TMCO5A: variants seen among roughly 807,000 people sequenced by gnomAD.
The protein encoded by TMCO5A is transmembrane and coiled-coil domains 5A.
Under a neutral mutation model 42.3 loss-of-function variants are expected in TMCO5A, and 34 were observed. That is an observed-to-expected ratio of 0.80 (90% CI 0.61 to 1.07). The LOEUF (loss-of-function observed/expected upper bound fraction) is 1.07, where lower values mean the gene tolerates loss of function less well. TMCO5A is among the 50% of genes least tolerant of loss of function. The pLI is 0.00. For missense variants in TMCO5A, 357 were observed against 327.9 expected (o/e 1.09, Z -0.69); for synonymous variants, 131 against 115.6 (o/e 1.13, Z -0.86).
At chr15:38,035,029 G>A in the TMCO5A span, among the ~76,000 whole-genome samples, 1 of 152,166 alleles carries the variant, frequency 6.6e-6, no homozygotes, top group Admixed American at 6.5e-5. Flanking sequence ...CACATCCCAA[G>A]GTGTGAGAGT....
chr15:38,029,713 G>A, the TMCO5A span, among the ~76,000 whole-genome samples: 232 of 152,282 alleles, frequency 1.5e-3, 1 homozygote, highest in African/African-American at 5.2e-3. Context: ...GTTTCCCAAA[G>A]TACTGGGATT....
At chr15:38,012,169 A>G in the TMCO5A span, among the ~76,000 whole-genome samples, 1 of 152,024 alleles carries the variant, frequency 6.6e-6, no homozygotes, top group Non-Finnish European at 1.5e-5. Context: ...CTATGTGGTG[A>G]GAGGGTTTTC....
the TMCO5A span, among the ~76,000 whole-genome samples, chr15:38,030,073 A>G: frequency 6.6e-6 from 1 of 152,212 alleles, no homozygotes; most frequent in Admixed American, 6.5e-5. Context: ...CCTGTTCTCC[A>G]GCCTCCATGG....
intron 11 of TMCO5A, among the ~76,000 whole-genome samples, chr15:37,958,495 A>G (rs1327972825): frequency 6.6e-6 from 1 of 152,176 alleles, no homozygotes; most frequent in Non-Finnish European, 1.5e-5. Flanking sequence ...AAAAAAGCTA[A>G]TCATCACTGG....
chr15:38,033,016 C>A, the TMCO5A span, among the ~76,000 whole-genome samples: 2 of 150,894 alleles, frequency 1.3e-5, no homozygotes, highest in Admixed American at 6.6e-5. Flanking sequence ...CAAGCTCCAC[C>A]TCCCGGGTTC....
the TMCO5A span, among the ~76,000 whole-genome samples, chr15:38,006,970 T>TA: frequency 1.6e-3 from 248 of 150,916 alleles, 1 homozygote; most frequent in Non-Finnish European, 2.9e-3. Flanking sequence ...GACAATGGAT[T>TA]AAAAAAAAAT....
At chr15:37,977,162 T>C in the TMCO5A span, among the ~76,000 whole-genome samples, 1 of 152,226 alleles carries the variant, frequency 6.6e-6, no homozygotes, top group African/African-American at 2.4e-5. Flanking sequence ...TTCAACTTTC[T>C]CCTGAATATT....
chr15:38,009,037 A>C, the TMCO5A span, among the ~76,000 whole-genome samples: 1 of 152,238 alleles, frequency 6.6e-6, no homozygotes, highest in African/African-American at 2.4e-5. Context: ...AATCTAAACA[A>C]GACTGAAGTT....
chr15:38,007,176 C>A, the TMCO5A span, among the ~76,000 whole-genome samples: 1 of 152,174 alleles, frequency 6.6e-6, no homozygotes, highest in Non-Finnish European at 1.5e-5. Context: ...TTTACTGACC[C>A]TTGGGCTAAA....
chr15:37,944,596 C>G (rs1380272692), intron 10 of TMCO5A, among the ~76,000 whole-genome samples: 3 of 152,012 alleles, frequency 2.0e-5, no homozygotes, highest in African/African-American at 7.2e-5. Context: ...CTCTTTTCCA[C>G]AGCTCTAATT....
the TMCO5A span, among the ~76,000 whole-genome samples, chr15:37,992,870 A>G: frequency 6.6e-6 from 1 of 152,164 alleles, no homozygotes; most frequent in Admixed American, 6.5e-5. Context: ...GGGAAGAGGG[A>G]GAGAAGCAGA....
chr15:37,946,187 G>A (rs1470051868), intron 10 of TMCO5A, among the ~76,000 whole-genome samples: 1 of 152,046 alleles, frequency 6.6e-6, no homozygotes, highest in Non-Finnish European at 1.5e-5. Context: ...TAGGTGAGCA[G>A]TGTTATTTCT....
At chr15:37,986,380 G>GGTGTGTGTGTGTGTGT in the TMCO5A span, among the ~76,000 whole-genome samples, 41 of 139,292 alleles carry the variant, frequency 2.9e-4, no homozygotes, top group African/African-American at 8.7e-4. Flanking sequence ...GGTAAGGGAT[G>GGTGTGTGTGTGTGTGT]GTGTGTGTGT....
intron 11 of TMCO5A, among the ~76,000 whole-genome samples, chr15:37,962,723 T>A (rs1595609263): frequency 6.6e-6 from 1 of 152,162 alleles, no homozygotes; most frequent in African/African-American, 2.4e-5. Flanking sequence ...TCACTGCTTG[T>A]TATTGGTCTG....
the TMCO5A span, among the ~76,000 whole-genome samples, chr15:38,007,881 T>G: frequency 5.6e-3 from 274 of 48,896 alleles, no homozygotes; most frequent in African/African-American, 0.018. Context: ...ACTTTTTTTT[T>G]TTTTTTTTTT....
intron 11 of TMCO5A, chr15:37,966,545 C>T (rs1056230866): frequency 1.4e-6 from 1 of 702,380 alleles, no homozygotes; most frequent in Non-Finnish European, 2.6e-6. Context: ...CGTGAATAGA[C>T]TTGGGGCTTT....
chr15:38,034,828 C>T, the TMCO5A span, among the ~76,000 whole-genome samples: 4 of 152,108 alleles, frequency 2.6e-5, no homozygotes, highest in Non-Finnish European at 5.9e-5. Context: ...TTAAAGTGAC[C>T]CCATGTGGCT....
At chr15:37,953,462 C>A (rs1284676297), downstream of TMCO5A, among the ~76,000 whole-genome samples, 1 of 152,130 alleles carries the variant, frequency 6.6e-6, no homozygotes, top group East Asian at 1.9e-4. Flanking sequence ...TTGCTTAAAA[C>A]CATCAAGGTG....
chr15:37,999,136 C>A, the TMCO5A span, among the ~76,000 whole-genome samples: 1 of 152,178 alleles, frequency 6.6e-6, no homozygotes, highest in Non-Finnish European at 1.5e-5. Context: ...GACCTCCCGA[C>A]CTCAGGTGAT....
Sources: gnomAD v4.1 joint callset for allele counts (sites outside exome capture counted in the v4.1 genomes callset) on GRCh38, gnomAD v4.1.1 for gene constraint, MANE v1.5 for transcripts, NCBI Gene and HGNC (gene_info 2026-07-23, HGNC 2026-07-21) for gene names.